SEPTIN9: variants seen among roughly 807,000 people sequenced by gnomAD.
The protein encoded by SEPTIN9 is septin-9.
Under a neutral mutation model 56.6 loss-of-function variants are expected in SEPTIN9, and 13 were observed. The observed-to-expected ratio is 0.23, with a 90% CI of 0.15 to 0.37. The LOEUF is 0.37. Among genes scored for constraint, SEPTIN9 ranks in the 10% least tolerant of loss-of-function variants. SEPTIN9 has a pLI of 1.00. For synonymous variants in SEPTIN9, 332 were observed against 334.1 expected, an observed-to-expected ratio of 0.99 and a Z score of 0.07; for missense variants, 650 against 823.1, an observed-to-expected ratio of 0.79 and a Z score of 2.57.
chr17:77,410,866 A>G (rs1176049027), intron 3 of SEPTIN9, among the ~76,000 whole-genome samples: 3 of 152,148 alleles, frequency 2.0e-5, no homozygotes, highest in Non-Finnish European at 2.9e-5. Flanking sequence ...GGTGTTTAGA[A>G]GCCCTGCTCT....
chr17:77,355,330 G>A (rs1364103831), intron 2 of SEPTIN9, among the ~76,000 whole-genome samples: 1 of 152,220 alleles, frequency 6.6e-6, no homozygotes, highest in Non-Finnish European at 1.5e-5. Flanking sequence ...GGTGGGCTGT[G>A]CGCCAGATCC....
Position 77,499,876 on chromosome 17 carries a change from C to T in SEPTIN9, c.*1218C>T, listed in dbSNP as rs2040432098. 7.0e-6 allele frequency: 2 copies of T among 287,320 alleles called. No homozygotes were observed. The highest frequency in any genetic ancestry group is 6.6e-6 in the Non-Finnish European group (1 of 150,396). The allele number at this position is 287,320 out of a possible 1,614,324, so 17.8% of individuals were successfully genotyped here. ...CCTCAGAGCCCATGGTAACGAACCCCTAGAAAGGAGAGAACGGGCGTCAGG... is the reference window on the plus strand; with the variant it reads ...CCTCAGAGCCCATGGTAACGAACCCTTAGAAAGGAGAGAACGGGCGTCAGG... On this transcript the variant is annotated 3_prime_UTR_variant, in exon 12 of 12. Coordinates refer to ENST00000427177, the MANE Select transcript of SEPTIN9 (RefSeq NM_001113491.2).
In SEPTIN9 at chr17:77,319,977, C is replaced by T. The variant is rs1327884300; in HGVS notation, c.76+12780C>T. The stretch of plus-strand genomic sequence containing the variant: ...CGGGCGGCCGGGACTCTGGGACTCT[C>T]GCAGGCAGACCCGGTGGTCTGCCGG... On this transcript the variant is annotated intron_variant, in intron 2 of 11. Coordinates refer to ENST00000427177, the MANE Select transcript of SEPTIN9 (RefSeq NM_001113491.2). This position sits in a 1 kb window ranked among gnomAD's most constrained non-coding sequence, Gnocchi z 5.3. The T allele has an allele frequency of 4.1e-6, 5 of 1,219,024 alleles. No homozygotes were observed. Among genetic ancestry groups the T allele is most frequent in the South Asian group, 2.3e-5 (1 of 43,246 alleles). 75.5% of individuals were successfully genotyped at this position (1,219,024 alleles called of 1,614,324 possible).
intron 2 of SEPTIN9, among the ~76,000 whole-genome samples, chr17:77,325,570 C>T (rs915692275): frequency 2.2e-4 from 34 of 152,278 alleles, no homozygotes; most frequent in African/African-American, 6.7e-4. Context: ...CCGGGGCGTC[C>T]TGAGGCCTGC....
At chr17:77,493,170 G>C (rs895189869) in intron 10 of SEPTIN9, 94 bp downstream of exon 10, 11 of 954,488 alleles carry the variant, frequency 1.2e-5, no homozygotes, top group Non-Finnish European at 1.5e-5. Context: ...CCAGGGACTC[G>C]TGGAACCTCA....
intron 10 of SEPTIN9, among the ~76,000 whole-genome samples, chr17:77,494,680 C>T (rs2040177292): frequency 6.6e-6 from 1 of 152,212 alleles, no homozygotes; most frequent in South Asian, 2.1e-4. Context: ...GCTCCCCGCA[C>T]CCACCCTCCT....
intron 3 of SEPTIN9, among the ~76,000 whole-genome samples, chr17:77,457,570 G>T (rs2038268664): frequency 6.6e-6 from 1 of 152,210 alleles, no homozygotes; most frequent in Non-Finnish European, 1.5e-5. Flanking sequence ...TCCAAGTTGT[G>T]GCCTCAAACC....
intron 8 of SEPTIN9, 43 bp downstream of exon 8, chr17:77,490,902 T>C (rs1235470829): frequency 1.4e-6 from 2 of 1,459,728 alleles, no homozygotes; most frequent in South Asian, 1.2e-5. Context: ...CTGTGCAACC[T>C]GGAGACGCTG....
At chr17:77,455,027 T>G (rs2038136031) in intron 3 of SEPTIN9, among the ~76,000 whole-genome samples, 1 of 151,288 alleles carries the variant, frequency 6.6e-6, no homozygotes, top group African/African-American at 2.4e-5. Flanking sequence ...CCGGCCGGCC[T>G]AAACGCGATT....
At chr17:77,417,840 G>C (rs7207891) in intron 3 of SEPTIN9, among the ~76,000 whole-genome samples, 53,271 of 152,154 alleles carry the variant, frequency 0.35, 9,810 homozygotes, top group Non-Finnish European at 0.4. Context: ...CCTACCGGAG[G>C]GGGGGTTCCA....
At position 77,429,160 on chromosome 17, in the gene SEPTIN9, C is replaced by A. The variant is rs1182539049; in HGVS notation, c.721+26457C>A. On this transcript the variant is annotated intron_variant, in intron 3 of 11. Coordinates refer to ENST00000427177, the MANE Select transcript of SEPTIN9 (RefSeq NM_001113491.2). This position sits in a 1 kb window ranked among gnomAD's most constrained non-coding sequence, Gnocchi z 5.2. ...TGGGGACTTGGGGGTGTGTCTGCAG[C>A]TCCTGAGGCCAAGACCAAGGCTGAG... 1 of 472,032 alleles carries A rather than the reference C, an allele frequency of 2.1e-6. No individual in the cohort carries two copies. The highest frequency in any genetic ancestry group is 1.5e-5 in the South Asian group (1 of 64,622). The allele number at this position is 472,032 out of a possible 1,614,324, so 29.2% of individuals were successfully genotyped here. A position where few individuals can be genotyped will look rare whatever the true frequency, so the allele number is the denominator to read the frequency against.
Position 77,405,585 on chromosome 17 carries a change from G to A in SEPTIN9, c.721+2882G>A, listed in dbSNP as rs1326666942. Among the ~76,000 whole-genome samples the A allele has an allele frequency of 6.6e-6, 1 of 152,184 alleles. No individual in the cohort carries two copies. The highest frequency in any genetic ancestry group is 1.5e-5 in the Non-Finnish European group (1 of 68,032). ...GAGAGGTCCGTGGGCTGGGCTGACA[G>A]TCCTGAGGGCCTAAGCAAGTCCAGG... On this transcript the variant is annotated intron_variant, in intron 3 of 11. Coordinates refer to ENST00000427177, the MANE Select transcript of SEPTIN9 (RefSeq NM_001113491.2). This position sits in a 1 kb window ranked among gnomAD's most constrained non-coding sequence, Gnocchi z 5.8.
At chr17:77,384,937 A>T (rs1299296522) in intron 2 of SEPTIN9, among the ~76,000 whole-genome samples, 1 of 151,850 alleles carries the variant, frequency 6.6e-6, no homozygotes, top group African/African-American at 2.4e-5. Flanking sequence ...GATGGAAGTT[A>T]CCTGGGTTGT....
intron 3 of SEPTIN9, among the ~76,000 whole-genome samples, chr17:77,420,544 A>C (rs1045024923): frequency 1.3e-5 from 2 of 151,776 alleles, no homozygotes; most frequent in East Asian, 3.9e-4. Flanking sequence ...CCTCAGCCCA[A>C]CTGTCCAGAG....
At chr17:77,440,326 T>C (rs979499276) in intron 3 of SEPTIN9, among the ~76,000 whole-genome samples, 1 of 152,050 alleles carries the variant, frequency 6.6e-6, no homozygotes, top group Admixed American at 6.6e-5. Flanking sequence ...GGCGAATTTT[T>C]GTATTTTTAG....
chr17:77,430,848 AG>A (rs1250275171), intron 3 of SEPTIN9, among the ~76,000 whole-genome samples: 3 of 152,042 alleles, frequency 2.0e-5, no homozygotes, highest in Non-Finnish European at 4.4e-5. Context: ...AAAATTAGCC[AG>A]GTATGGTGGT....
At chr17:77,333,645 C>G (rs1260472228) in intron 2 of SEPTIN9, among the ~76,000 whole-genome samples, 1 of 152,300 alleles carries the variant, frequency 6.6e-6, no homozygotes, top group East Asian at 1.9e-4. Flanking sequence ...TTGTAAGAAA[C>G]CTTTGCCTAC....
chr17:77,311,722 C>T (rs995021407), intron 2 of SEPTIN9, among the ~76,000 whole-genome samples: 4 of 152,196 alleles, frequency 2.6e-5, no homozygotes, highest in Non-Finnish European at 5.9e-5. Flanking sequence ...CACCGTGCCA[C>T]GTTGCCTCAA....
intron 4 of SEPTIN9, among the ~76,000 whole-genome samples, chr17:77,485,177 T>C: frequency 1.6e-5 from 1 of 61,500 alleles, no homozygotes; most frequent in Non-Finnish European, 4.1e-5. Flanking sequence ...ATGTGGGTGA[T>C]GGTGATTGTG....
Sources: gnomAD v4.1 joint callset for allele counts (sites outside exome capture counted in the v4.1 genomes callset) on GRCh38, gnomAD v4.1.1 for gene constraint, Gnocchi (gnomAD v3.1) non-coding constraint, MANE v1.5 for transcripts, NCBI Gene and HGNC (gene_info 2026-07-23, HGNC 2026-07-21) for gene names.